The following USP10 variants were observed in gnomAD, a reference collection of about 807,000 sequenced individuals.
USP10 encodes the protein ubiquitin carboxyl-terminal hydrolase 10.
USP10 carries 22 observed loss-of-function variants against 84.5 expected under a neutral mutation model. The observed-to-expected ratio is 0.26, with a 90% CI of 0.19 to 0.37. USP10 has a LOEUF of 0.37. Ranked by LOEUF, USP10 falls within the 10% of genes least tolerant of loss-of-function variation. The pLI is 1.00. For missense variants in USP10, 1,019 were observed against 998.9 expected (o/e 1.02, Z -0.27); for synonymous variants, 454 against 387.6 (o/e 1.17, Z -2.01).
At chr16:84,734,758 G>C (rs1478389240) in intron 2 of USP10, among the ~76,000 whole-genome samples, 1 of 152,148 alleles carries the variant, frequency 6.6e-6, no homozygotes, top group Non-Finnish European at 1.5e-5. Flanking sequence ...TCTTCTAAAA[G>C]TTTTCAGATT....
At position 84,756,994 on chromosome 16, in the gene USP10, G is replaced by A. The variant is rs4783058; in HGVS notation, c.1193-1722G>A. ...AACCTCTTGAGTCAGGTGGACCCAG[G>A]TTCACAGGTCATTTCAGCTGTTATG... On this transcript the variant is annotated intron_variant, in intron 4 of 13. Coordinates refer to ENST00000219473, the MANE Select transcript of USP10 (RefSeq NM_005153.3). Among the ~76,000 whole-genome samples, 186 of 152,302 alleles carry A rather than the reference G, an allele frequency of 1.2e-3. 1 individual carries two copies. The highest frequency in any genetic ancestry group is 4.1e-3 in the African/African-American group (169 of 41,560).
chr16:84,702,953 A>G (rs1035853552), intron 1 of USP10, among the ~76,000 whole-genome samples: 7 of 132,426 alleles, frequency 5.3e-5, no homozygotes, highest in Non-Finnish European at 1.1e-4. Context: ...AGATCATGCC[A>G]CTGCACTCCA....
chr16:84,776,120 A>G (rs1914986885), intron 13 of USP10, among the ~76,000 whole-genome samples: 1 of 152,150 alleles, frequency 6.6e-6, no homozygotes, highest in Non-Finnish European at 1.5e-5. Flanking sequence ...GTGTCCTAGG[A>G]GATGGGAGGT....
chr16:84,763,036 A>T lies in USP10; in HGVS notation c.1602A>T (p.Gly534=). The part of the protein sequence containing the change: ...AEEYLGFILN[G]LHEEMLNLKK... ...AATACTTAGGCTTCATTCTAAATGG[A>T]CTTCATGAGGAAATGTTGAACCTAA... The change falls in exon 9 of 14, where the codon GGA becomes GGT. Residue 534 remains glycine, a synonymous_variant. Coordinates refer to ENST00000219473, the MANE Select transcript of USP10 (RefSeq NM_005153.3). The T allele has an allele frequency of 6.2e-7, 1 of 1,612,882 alleles. No individual in the cohort carries two copies. Among genetic ancestry groups the T allele is most frequent in the South Asian group, 1.1e-5 (1 of 90,988 alleles).
intron 1 of USP10, among the ~76,000 whole-genome samples, chr16:84,719,853 C>T (rs1269914521): frequency 5.3e-5 from 8 of 152,194 alleles, no homozygotes; most frequent in Non-Finnish European, 5.9e-5. Context: ...GGGCATGTTT[C>T]GACAGATCAT....
intron 4 of USP10, among the ~76,000 whole-genome samples, chr16:84,757,038 C>A (rs1434031223): frequency 3.3e-5 from 5 of 152,168 alleles, no homozygotes; most frequent in Non-Finnish European, 5.9e-5. Context: ...GTTTTCTCAT[C>A]TGTAAAATGG....
At chr16:84,769,775 G>A (rs116255115) in intron 11 of USP10, among the ~76,000 whole-genome samples, 2 of 151,960 alleles carry the variant, frequency 1.3e-5, no homozygotes, top group African/African-American at 4.8e-5. Flanking sequence ...TTTGTGATGT[G>A]TCTGTTTTTC....
chr16:84,713,470 C>T (rs1178020218), intron 1 of USP10, among the ~76,000 whole-genome samples: 15 of 152,140 alleles, frequency 9.9e-5, no homozygotes, highest in Admixed American at 9.8e-4. Context: ...TACCCGCTAT[C>T]CTGACGTGTG....
chr16:84,740,459 A>C, intron 3 of USP10, 90 bp downstream of exon 3: 1 of 1,078,824 alleles, frequency 9.3e-7, no homozygotes, highest in Non-Finnish European at 1.4e-6. Context: ...TTCCCATTTG[A>C]ATAAACATTT....
intron 1 of USP10, among the ~76,000 whole-genome samples, chr16:84,724,441 C>T (rs1908194348): frequency 6.6e-6 from 1 of 152,024 alleles, no homozygotes; most frequent in African/African-American, 2.4e-5. Flanking sequence ...ATAGAATATA[C>T]AAACAGGGAA....
rs116733207 is a variant in USP10, at chr16:84,712,539, A to G, written c.21+12428A>G. Among the ~76,000 whole-genome samples, 724 of 152,292 alleles carry G rather than the reference A, an allele frequency of 4.8e-3. 6 individuals are homozygous for G. Among genetic ancestry groups the G allele is most frequent in the African/African-American group, 0.017 (698 of 41,566 alleles). ...CTGGTTGTCATTCACTGTTTTCAGG[A>G]CTGCTTATGGTTGTTTTTGGTGTTT... On this transcript the variant is annotated intron_variant, in intron 1 of 13. Coordinates refer to ENST00000219473, the MANE Select transcript of USP10 (RefSeq NM_005153.3).
At chr16:84,764,382 C>T (rs1327206807) in intron 10 of USP10, 119 bp downstream of exon 10, 6 of 1,329,960 alleles carry the variant, frequency 4.5e-6, no homozygotes, top group Admixed American at 3.9e-5. Context: ...TTGCATCTTG[C>T]TCCCCTGCCT....
intron 2 of USP10, among the ~76,000 whole-genome samples, chr16:84,736,219 G>T (rs1427071453): frequency 6.6e-6 from 1 of 152,190 alleles, no homozygotes; most frequent in African/African-American, 2.4e-5. Context: ...CAATCTAGTC[G>T]AATTTTTCAT....
At chr16:84,717,784 A>T (rs778124472) in intron 1 of USP10, among the ~76,000 whole-genome samples, 10 of 152,176 alleles carry the variant, frequency 6.6e-5, no homozygotes, top group Non-Finnish European at 8.8e-5. Flanking sequence ...CCTTTGATTC[A>T]TTGAGGTCCT....
At chr16:84,711,719 C>CTTTTTTTTT (rs10706586) in intron 1 of USP10, among the ~76,000 whole-genome samples, 5 of 114,276 alleles carry the variant, frequency 4.4e-5, no homozygotes, top group African/African-American at 7.5e-5. Context: ...GAAGGGCTAG[C>CTTTTTTTTT]TTTTTTTTTT....
chr16:84,707,788 T>A (rs1905730338), intron 1 of USP10, among the ~76,000 whole-genome samples: 1 of 151,970 alleles, frequency 6.6e-6, no homozygotes, highest in Non-Finnish European at 1.5e-5. Flanking sequence ...TTAAGAAATA[T>A]TTTGGGCCAG....
intron 1 of USP10, among the ~76,000 whole-genome samples, chr16:84,721,389 A>G (rs368859116): frequency 6.6e-6 from 1 of 152,350 alleles, no homozygotes; most frequent in East Asian, 1.9e-4. Flanking sequence ...AACTGTGGCC[A>G]TTGGTCTTCA....
intron 2 of USP10, among the ~76,000 whole-genome samples, chr16:84,733,933 T>G (rs990799568): frequency 2.6e-5 from 4 of 152,218 alleles, no homozygotes; most frequent in African/African-American, 9.6e-5. Context: ...TAAGCTAACG[T>G]TGTATTCTTT....
chr16:84,775,077 G>T, intron 12 of USP10, 83 bp from the exon 13 acceptor site: 1 of 1,192,474 alleles, frequency 8.4e-7, no homozygotes, highest in East Asian at 2.4e-5. Context: ...ACTTGCTGGG[G>T]AGAATGTTGT....
Sources: gnomAD v4.1 joint callset for allele counts (sites outside exome capture counted in the v4.1 genomes callset) on GRCh38, gnomAD v4.1.1 for gene constraint, MANE v1.5 for transcripts, NCBI Gene and HGNC (gene_info 2026-07-23, HGNC 2026-07-21) for gene names.